Variants in PIGK observed in about 807,000 individuals in gnomAD.
PIGK encodes the protein phosphatidylinositol glycan anchor biosynthesis class K, also known as GPI-anchor transamidase.
PIGK carries 42 observed loss-of-function variants against 50.6 expected under a neutral mutation model. The observed-to-expected ratio is 0.83, with a 90% CI of 0.65 to 1.07. The LOEUF (loss-of-function observed/expected upper bound fraction) is 1.07, where lower values mean the gene tolerates loss of function less well. Among genes scored for constraint, PIGK ranks in the 50% least tolerant of loss-of-function variants. The pLI is 0.00. For missense variants in PIGK, 448 were observed against 488.7 expected (o/e 0.92, Z 0.78); for synonymous variants, 151 against 156.0 (o/e 0.97, Z 0.24).
intron 9 of PIGK, among the ~76,000 whole-genome samples, chr1:77,137,343 AG>A (rs1480615113): frequency 6.6e-6 from 1 of 152,256 alleles, no homozygotes; most frequent in Non-Finnish European, 1.5e-5. Context: ...GTCAACCCTC[AG>A]AATCAAAAGC....
intron 1 of PIGK, among the ~76,000 whole-genome samples, chr1:77,216,956 A>G (rs1396023478): frequency 6.6e-6 from 1 of 152,246 alleles, no homozygotes. Flanking sequence ...TTCTACATAC[A>G]GTAAATGCAG....
intron 2 of PIGK, 117 bp downstream of exon 2, chr1:77,210,319 G>T (rs934820763): frequency 9.3e-6 from 5 of 540,212 alleles, no homozygotes; most frequent in African/African-American, 5.9e-5. Context: ...TCAAAATAAA[G>T]AATTTCTGAT....
intron 9 of PIGK, among the ~76,000 whole-genome samples, chr1:77,145,345 G>A (rs1654745280): frequency 6.6e-6 from 1 of 151,858 alleles, no homozygotes; most frequent in Non-Finnish European, 1.5e-5. Context: ...AAGCCTGCTG[G>A]GGTTTTGATT....
intron 8 of PIGK, among the ~76,000 whole-genome samples, chr1:77,158,275 C>CTTT (rs921018703): frequency 3.3e-5 from 5 of 152,070 alleles, no homozygotes; most frequent in African/African-American, 1.2e-4. Context: ...CCTCAACCTC[C>CTTT]CAAAGTGCTG....
At chr1:77,215,948 G>A (rs1721152) in intron 1 of PIGK, among the ~76,000 whole-genome samples, 6,392 of 152,148 alleles carry the variant, frequency 0.042, 350 homozygotes, top group African/African-American at 0.13. Flanking sequence ...AAGGTGACGG[G>A]GGGAGTACAG....
chr1:77,155,665 A>G (rs1003006019), intron 8 of PIGK, among the ~76,000 whole-genome samples: 1 of 152,038 alleles, frequency 6.6e-6, no homozygotes, highest in African/African-American at 2.4e-5. Flanking sequence ...CTAATAAAAG[A>G]GCAGTTGCAG....
At chr1:77,191,339 C>T (rs1007066160) in intron 3 of PIGK, among the ~76,000 whole-genome samples, 5 of 152,168 alleles carry the variant, frequency 3.3e-5, no homozygotes, top group African/African-American at 9.7e-5. Flanking sequence ...CATATTCTCA[C>T]GTTCAACAGA....
intron 10 of PIGK, 93 bp downstream of exon 10, chr1:77,122,182 T>C (rs1654112377): frequency 3.8e-6 from 3 of 784,308 alleles, no homozygotes; most frequent in African/African-American, 3.4e-5. Context: ...CTTTCAGCTA[T>C]AGCACATTGA....
chr1:77,189,730 TATATATATATATATATATACAC>T (rs1192937659), intron 3 of PIGK, among the ~76,000 whole-genome samples: 62 of 35,558 alleles, frequency 1.7e-3, no homozygotes, highest in Middle Eastern at 0.017. Flanking sequence ...TATATATATA[TATATATATATATATATATACAC>T]ACACACACAC....
chr1:77,132,955 A>G lies in PIGK; in HGVS notation c.987-10596T>C, dbSNP rs187222598. Among the ~76,000 whole-genome samples, 370 of 152,072 alleles carry G rather than the reference A, an allele frequency of 2.4e-3. 1 individual carries two copies. Among genetic ancestry groups the G allele is most frequent in the African/African-American group, 7.9e-3 (327 of 41,518 alleles). On this transcript the variant is annotated intron_variant, in intron 9 of 10. Coordinates refer to ENST00000370812, the MANE Select transcript of PIGK (RefSeq NM_005482.3). Reference sequence around the variant, plus strand: ...TGTCAGGCTTTTAAGTTTGTTCTCTATGTTTTTTCAGCATTTTGACTATGA... The same window carrying G: ...TGTCAGGCTTTTAAGTTTGTTCTCTGTGTTTTTTCAGCATTTTGACTATGA...
chr1:77,188,686 T>G (rs1655813740), intron 3 of PIGK, among the ~76,000 whole-genome samples: 1 of 152,184 alleles, frequency 6.6e-6, no homozygotes, highest in Non-Finnish European at 1.5e-5. Flanking sequence ...AACTTGCTGG[T>G]TTTTGTGGCT....
intron 3 of PIGK, among the ~76,000 whole-genome samples, chr1:77,193,671 T>C (rs567466015): frequency 6.6e-6 from 1 of 152,310 alleles, no homozygotes; most frequent in South Asian, 2.1e-4. Context: ...AGGGCTTTGT[T>C]AACCCTTTTC....
At chr1:77,166,153 T>C (rs1324134578) in intron 5 of PIGK, among the ~76,000 whole-genome samples, 1 of 152,178 alleles carries the variant, frequency 6.6e-6, no homozygotes, top group East Asian at 1.9e-4. Flanking sequence ...GTAATACATA[T>C]GATAACTATA....
At chr1:77,189,947 T>C in intron 3 of PIGK, among the ~76,000 whole-genome samples, 1 of 151,858 alleles carries the variant, frequency 6.6e-6, no homozygotes, top group Non-Finnish European at 1.5e-5. Context: ...ATCTCCATTT[T>C]ACAGGTTATG....
chr1:77,160,389 T>C (rs1655106147), intron 8 of PIGK, among the ~76,000 whole-genome samples: 1 of 152,202 alleles, frequency 6.6e-6, no homozygotes, highest in East Asian at 1.9e-4. Flanking sequence ...CTTCAGAATC[T>C]GAGAATTTAC....
At chr1:77,171,251 A>G (rs1047074938) in intron 3 of PIGK, among the ~76,000 whole-genome samples, 2 of 151,918 alleles carry the variant, frequency 1.3e-5, no homozygotes, top group South Asian at 4.2e-4. Flanking sequence ...CCTGGTTAAC[A>G]CAGTGAAACC....
chr1:77,105,847 T>C (rs1476691405), intron 10 of PIGK, among the ~76,000 whole-genome samples: 3 of 152,184 alleles, frequency 2.0e-5, no homozygotes, highest in Admixed American at 2.0e-4. Context: ...TATTTGGCCC[T>C]TTAAGAAAAA....
chr1:77,204,275 T>G (rs1008849393), intron 3 of PIGK, among the ~76,000 whole-genome samples: 1 of 152,138 alleles, frequency 6.6e-6, no homozygotes, highest in Non-Finnish European at 1.5e-5. Context: ...AAGCCCAGTC[T>G]CCTGTAGCGC....
chr1:77,150,351 T>C (rs1482306492), intron 9 of PIGK, among the ~76,000 whole-genome samples: 1 of 151,552 alleles, frequency 6.6e-6, no homozygotes, highest in African/African-American at 2.4e-5. Flanking sequence ...GACCCCCATC[T>C]CTACAAAAAA....
Sources: gnomAD v4.1 joint callset for allele counts (sites outside exome capture counted in the v4.1 genomes callset) on GRCh38, gnomAD v4.1.1 for gene constraint, MANE v1.5 for transcripts, NCBI Gene and HGNC (gene_info 2026-07-23, HGNC 2026-07-21) for gene names.